Variants in CNTN5 observed in about 807,000 individuals in gnomAD.
The protein encoded by CNTN5 is contactin 5, also known as contactin-5.
In CNTN5, 77 loss-of-function variants were observed where a neutral mutation model predicts 129.1. The observed-to-expected ratio is 0.60, with a 90% CI of 0.50 to 0.72. The LOEUF is 0.72. Among genes scored for constraint, CNTN5 ranks in the 30% least tolerant of loss-of-function variants. The pLI is 0.00. For missense variants in CNTN5, 1,478 were observed against 1,328.8 expected (o/e 1.11, Z -1.75); for synonymous variants, 509 against 465.6 (o/e 1.09, Z -1.20).
chr11:100,063,706 TAAAAAAAA>T (rs35896237), intron 10 of CNTN5, among the ~76,000 whole-genome samples: 3 of 115,282 alleles, frequency 2.6e-5, no homozygotes, highest in Admixed American at 9.6e-5. Context: ...AACCTGTCTC[TAAAAAAAA>T]AAAAAAAAAA....
chr11:99,423,369 A>C (rs1029157647), intron 2 of CNTN5, among the ~76,000 whole-genome samples: 9 of 152,206 alleles, frequency 5.9e-5, no homozygotes, highest in African/African-American at 2.2e-4. Flanking sequence ...CTTATTTTCC[A>C]TGATGTTTAC....
chr11:99,275,508 T>C (rs1863387449), intron 1 of CNTN5, among the ~76,000 whole-genome samples: 1 of 151,696 alleles, frequency 6.6e-6, no homozygotes, highest in Admixed American at 6.6e-5. Context: ...TGTTAGGTCT[T>C]TCTCCAACAA....
chr11:100,241,023 T>C (rs1364696711), intron 16 of CNTN5, among the ~76,000 whole-genome samples: 1 of 152,206 alleles, frequency 6.6e-6, no homozygotes, highest in Non-Finnish European at 1.5e-5. Context: ...AAACCCAATA[T>C]TGGATTTATA....
chr11:100,217,459 C>G (rs73000880), intron 15 of CNTN5, among the ~76,000 whole-genome samples: 1 of 152,132 alleles, frequency 6.6e-6, no homozygotes. Flanking sequence ...CTATAAGCAT[C>G]CATAAAATGT....
chr11:100,350,412 C>T (rs1039477182), intron 23 of CNTN5, among the ~76,000 whole-genome samples: 11 of 151,578 alleles, frequency 7.3e-5, no homozygotes, highest in African/African-American at 2.7e-4. Context: ...TTCTGGAATT[C>T]TCCCTTTCTC....
chr11:99,706,274 AG>A (rs1954753076), intron 3 of CNTN5, among the ~76,000 whole-genome samples: 1 of 151,468 alleles, frequency 6.6e-6, no homozygotes. Context: ...TGTATTATAC[AG>A]AACTTTATAA....
intron 2 of CNTN5, among the ~76,000 whole-genome samples, chr11:99,422,834 G>T (rs1016882999): frequency 6.6e-6 from 1 of 151,994 alleles, no homozygotes; most frequent in Non-Finnish European, 1.5e-5. Flanking sequence ...GTTTGAACAA[G>T]GGGTAAGTTT....
chr11:99,379,071 T>G (rs1159136123), intron 2 of CNTN5, among the ~76,000 whole-genome samples: 1 of 151,948 alleles, frequency 6.6e-6, no homozygotes, highest in South Asian at 2.1e-4. Flanking sequence ...TTTTCTAGTC[T>G]GTATTTATGG....
At chr11:99,807,690 AT>A (rs60497022) in intron 3 of CNTN5, among the ~76,000 whole-genome samples, 8,966 of 152,144 alleles carry the variant, frequency 0.059, 319 homozygotes, top group African/African-American at 0.094. Flanking sequence ...ACAATATAAT[AT>A]TAAATAAAAA....
chr11:99,543,583 C>T (rs985955415), intron 2 of CNTN5, among the ~76,000 whole-genome samples: 2 of 152,032 alleles, frequency 1.3e-5, no homozygotes, highest in African/African-American at 4.8e-5. Flanking sequence ...GCACAATGAA[C>T]CTAGATAAAC....
chr11:99,643,839 A>G (rs78761544), intron 3 of CNTN5, among the ~76,000 whole-genome samples: 1,605 of 80,194 alleles, frequency 0.02, 37 homozygotes, highest in African/African-American at 0.055. Context: ...AAATTCTTAT[A>G]TTTCAAAATA....
At chr11:99,671,776 C>T (rs1953054854) in intron 3 of CNTN5, among the ~76,000 whole-genome samples, 1 of 152,072 alleles carries the variant, frequency 6.6e-6, no homozygotes, top group Non-Finnish European at 1.5e-5. Flanking sequence ...CTGAGAAATT[C>T]AGATGCTTAT....
At chr11:99,245,369 A>G (rs1021416897) in intron 1 of CNTN5, among the ~76,000 whole-genome samples, 12 of 152,126 alleles carry the variant, frequency 7.9e-5, no homozygotes. Context: ...CCCAGGTTGG[A>G]GTGCAATGGC....
chr11:99,743,411 T>C (rs975195122), intron 3 of CNTN5, among the ~76,000 whole-genome samples: 1 of 152,206 alleles, frequency 6.6e-6, no homozygotes. Flanking sequence ...GGAGGAAGTG[T>C]GTAATAGTAG....
At chr11:99,316,751 G>C (rs1865357077) in intron 1 of CNTN5, among the ~76,000 whole-genome samples, 2 of 150,386 alleles carry the variant, frequency 1.3e-5, no homozygotes, top group South Asian at 4.2e-4. Context: ...AAAAGAAAAA[G>C]ACCCTTTCAT....
At chr11:99,451,825 G>A (rs188819793) in intron 2 of CNTN5, among the ~76,000 whole-genome samples, 93 of 152,176 alleles carry the variant, frequency 6.1e-4, no homozygotes, top group Non-Finnish European at 7.9e-4. Flanking sequence ...TAATCAGTCC[G>A]TGGAATGAAT....
chr11:100,247,565 C>G (rs890714463), intron 16 of CNTN5, among the ~76,000 whole-genome samples: 1 of 151,964 alleles, frequency 6.6e-6, no homozygotes, highest in Middle Eastern at 3.2e-3. Flanking sequence ...AAGGAATGAC[C>G]CAATCCCACG....
chr11:100,196,957 C>A (rs1197164290), intron 15 of CNTN5, among the ~76,000 whole-genome samples: 1 of 151,958 alleles, frequency 6.6e-6, no homozygotes, highest in Non-Finnish European at 1.5e-5. Context: ...CCTAAGAGAG[C>A]ACCATTTAAG....
At chr11:99,843,380 T>C (rs1378435923) in intron 4 of CNTN5, among the ~76,000 whole-genome samples, 1 of 152,204 alleles carries the variant, frequency 6.6e-6, no homozygotes, top group Non-Finnish European at 1.5e-5. Flanking sequence ...AGAAATATAT[T>C]TAAAGAAAGC....
Sources: gnomAD v4.1 joint callset for allele counts (sites outside exome capture counted in the v4.1 genomes callset) on GRCh38, gnomAD v4.1.1 for gene constraint, MANE v1.5 for transcripts, NCBI Gene and HGNC (gene_info 2026-07-23, HGNC 2026-07-21) for gene names.